SYT3: variants seen among roughly 807,000 people sequenced by gnomAD.
SYT3 encodes synaptotagmin 3.
A neutral mutation model predicts 50.6 loss-of-function variants in SYT3; 25 were observed. The ratio of observed to expected loss-of-function variants is 0.49; its 90% CI spans 0.36 to 0.69. SYT3 has a LOEUF of 0.69. Among genes scored for constraint, SYT3 ranks in the 30% least tolerant of loss-of-function variants. The pLI is 0.00. For missense variants in SYT3, 589 were observed against 793.6 expected (o/e 0.74, Z 3.10); for synonymous variants, 323 against 353.9 (o/e 0.91, Z 0.98).
the SYT3 span, chr19:50,649,719 C>T: frequency 1.5e-6 from 1 of 682,804 alleles, no homozygotes; most frequent in Admixed American, 2.0e-5. Context: ...GTTCCTTGGC[C>T]AATGCCCTGG....
At chr19:50,655,647 T>TTA in the SYT3 span, among the ~76,000 whole-genome samples, 2 of 139,916 alleles carry the variant, frequency 1.4e-5, no homozygotes, top group African/African-American at 5.7e-5. Flanking sequence ...AGACTCTGTC[T>TTA]CAAAAAAAAA....
chr19:50,623,670 C>T (rs1458678895), intron 9 of SYT3, among the ~76,000 whole-genome samples: 1 of 142,406 alleles, frequency 7.0e-6, no homozygotes, highest in East Asian at 2.2e-4. Context: ...GGTGAGGTGG[C>T]ACACGCCTGT....
At chr19:50,642,828 C>T (rs1296909382), upstream of SYT3, among the ~76,000 whole-genome samples, 2 of 151,984 alleles carry the variant, frequency 1.3e-5, no homozygotes, top group African/African-American at 4.8e-5. Flanking sequence ...GAGTGAAACT[C>T]TGTCTCAAAA....
chr19:50,653,024 T>G, the SYT3 span, among the ~76,000 whole-genome samples: 2 of 152,118 alleles, frequency 1.3e-5, no homozygotes, highest in Non-Finnish European at 2.9e-5. Flanking sequence ...CAATGGAAAG[T>G]ATTTTATTCT....
chr19:50,638,428 T>G (rs1599821694), intron 2 of SYT3, among the ~76,000 whole-genome samples: 1 of 144,252 alleles, frequency 6.9e-6, no homozygotes, highest in African/African-American at 2.6e-5. Context: ...GGTGGAGAGG[T>G]GGAGATGCAG....
rs1983993490 is a variant in SYT3 at position 50,625,077 on chromosome 19, G to C, written c.1707+85C>G. 3 of 1,344,672 alleles carry C rather than the reference G, an allele frequency of 2.2e-6. No individual in the cohort carries two copies. The highest frequency in any genetic ancestry group is 2.9e-6 in the Non-Finnish European group (3 of 1,036,310). The allele number at this position is 1,344,672 out of a possible 1,614,324, so 83.3% of individuals were successfully genotyped here. ...TAGGACGCCTGGCTCTGCGACTCAC[G>C]AACATGCAGGGCGTTCGTTGCATGG... On this transcript the variant is annotated intron_variant, in intron 9 of 10. Transcript: ENST00000600079. The surrounding 1 kb of genome is among the most constrained non-coding windows in gnomAD (Gnocchi z 7.5).
chr19:50,648,028 G>C, the SYT3 span, among the ~76,000 whole-genome samples: 30,509 of 152,064 alleles, frequency 0.2, 4,821 homozygotes, highest in African/African-American at 0.43. Flanking sequence ...ATAAAAGGAA[G>C]TTTATTGATT....
At position 50,625,610 on chromosome 19, in the gene SYT3, C is replaced by T. The variant is rs1427081249; in HGVS notation, c.1403-46G>A. The T allele has an allele frequency of 1.3e-6, 2 of 1,522,192 alleles. No homozygotes were observed. The highest frequency in any genetic ancestry group is 1.4e-5 in the African/African-American group (1 of 71,854). The allele number at this position is 1,522,192 out of a possible 1,614,324, so 94.3% of individuals were successfully genotyped here. A position where few individuals can be genotyped will look rare whatever the true frequency, so the allele number is the denominator to read the frequency against. On this transcript the variant is annotated intron_variant, in intron 7 of 10. Transcript: ENST00000600079. This position sits in a 1 kb window ranked among gnomAD's most constrained non-coding sequence, Gnocchi z 7.5. ...AGGAACAGAGACTCACTCCCTCAGA[C>T]CTAGGGGTCCAGGACCCCAGGCCCC...
At chr19:50,648,861 G>C in the SYT3 span, among the ~76,000 whole-genome samples, 1 of 151,784 alleles carries the variant, frequency 6.6e-6, no homozygotes, top group Non-Finnish European at 1.5e-5. Context: ...AGAGGGGAGG[G>C]GGCCTCAAGG....
At position 50,629,308 on chromosome 19, in the gene SYT3, C is replaced by T. The variant is rs796357681; in HGVS notation, c.1267G>A (p.Val423Met). The change falls in exon 6 of 11, where the codon GTG becomes ATG. Residue 423 changes from valine (V) to methionine (M), a missense_variant. Transcript: ENST00000600079. The part of the protein sequence containing the change: ...PPDRPLWRDI[V>M]EGGSEKADLG... The stretch of plus-strand genomic sequence containing the variant: ...GGGCCACTGACCGAGCCGCCCTCCA[C>T]GATGTCCCTCCAGAGCGGGCGGTCA... 19 of 1,604,930 alleles carry T rather than the reference C, an allele frequency of 1.2e-5. No homozygotes were observed. Among genetic ancestry groups the T allele is most frequent in the Middle Eastern group, 1.7e-4 (1 of 5,884 alleles).
the SYT3 span, among the ~76,000 whole-genome samples, chr19:50,655,119 A>G: frequency 6.6e-6 from 1 of 152,214 alleles, no homozygotes; most frequent in Non-Finnish European, 1.5e-5. Context: ...GCATGGTCAC[A>G]TGGCCACACT....
chr19:50,639,812 TGCC>T lies in SYT3; in HGVS notation c.-179_-177del, dbSNP rs968917236. 18 of 62,142 alleles carry T rather than the reference TGCC, an allele frequency of 2.9e-4. No individual in the cohort carries two copies. The highest frequency in any genetic ancestry group is 1.2e-3 in the East Asian group (5 of 4,202). The allele number at this position is 62,142 out of a possible 1,614,324, so 3.8% of individuals were successfully genotyped here. ...CACCCGGAGCCGCCGCTGCCGCCGC[TGCC>T]GCCGCCGCCGCCGCCGCAGCCCCGC... is the stretch of plus-strand genomic sequence containing the variant. On this transcript the variant is annotated 5_prime_UTR_variant, in exon 1 of 11. Coordinates refer to ENST00000600079, the MANE Select transcript of SYT3 (RefSeq NM_001160329.2). The surrounding 1 kb of genome is among the most constrained non-coding windows in gnomAD (Gnocchi z 4.6).
Position 50,625,769 on chromosome 19 carries a change from CAGA to C in SYT3, c.1402+125_1402+127del. ...TCCAGGCCCCTGGCCCCTCCTCCCTCAGACCCAGGAGTCCAGATCCCCAGCTCC... is the reference window on the plus strand; with the variant it reads ...TCCAGGCCCCTGGCCCCTCCTCCCTCCCCAGGAGTCCAGATCCCCAGCTCC... On this transcript the variant is annotated intron_variant, in intron 7 of 10. Coordinates refer to ENST00000600079, the MANE Select transcript of SYT3 (RefSeq NM_001160329.2). This position sits in a 1 kb window ranked among gnomAD's most constrained non-coding sequence, Gnocchi z 7.5. 222 of 716,572 alleles carry C rather than the reference CAGA, an allele frequency of 3.1e-4. 25 individuals are homozygous for C. Among genetic ancestry groups the C allele is most frequent in the Middle Eastern group, 8.3e-4 (2 of 2,402 alleles). The allele number at this position is 716,572 out of a possible 1,614,324, so 44.4% of individuals were successfully genotyped here.
the SYT3 span, among the ~76,000 whole-genome samples, chr19:50,653,398 A>T: frequency 6.6e-6 from 1 of 152,032 alleles, no homozygotes; most frequent in Non-Finnish European, 1.5e-5. Context: ...GCACATAGTT[A>T]TATTGTTAAG....
In SYT3 at chr19:50,625,786, AT is replaced by A. The variant is rs202030881; in HGVS notation, c.1402+110del. 4 of 158,630 alleles carry A rather than the reference AT, an allele frequency of 2.5e-5. 2 individuals are homozygous for A. Among genetic ancestry groups the A allele is most frequent in the Non-Finnish European group, 2.7e-5 (2 of 74,226 alleles). 9.8% of individuals were successfully genotyped at this position (158,630 alleles called of 1,614,324 possible). ...TCCTCCCTCAGACCCAGGAGTCCAG[AT>A]CCCCAGCTCCTCCTCCCTCAGACCC... On this transcript the variant is annotated intron_variant, in intron 7 of 10. Transcript: ENST00000600079. This position sits in a 1 kb window ranked among gnomAD's most constrained non-coding sequence, Gnocchi z 7.5.
chr19:50,624,573 G>A (rs927516988), intron 9 of SYT3, among the ~76,000 whole-genome samples: 114 of 122,258 alleles, frequency 9.3e-4, no homozygotes, highest in African/African-American at 3.6e-3. Context: ...TTTTTTTTGA[G>A]ACAGAGTCTT....
At chr19:50,644,011 T>C (rs1416388540), upstream of SYT3, among the ~76,000 whole-genome samples, 2 of 152,128 alleles carry the variant, frequency 1.3e-5, no homozygotes, top group Admixed American at 6.5e-5. Context: ...ACAGCTCATG[T>C]AAGACCTGGG....
Position 50,625,634 on chromosome 19 carries a change from C to T in SYT3, c.1403-70G>A. On this transcript the variant is annotated intron_variant, in intron 7 of 10. Transcript: ENST00000600079. This position sits in a 1 kb window ranked among gnomAD's most constrained non-coding sequence, Gnocchi z 7.5. Reference sequence around the variant, plus strand: ...ACCTAGGGGTCCAGGACCCCAGGCCCCGAGCCCCTCCTCCCTCAGACCCAG... The same window carrying T: ...ACCTAGGGGTCCAGGACCCCAGGCCTCGAGCCCCTCCTCCCTCAGACCCAG... 1.3e-6 allele frequency: 2 copies of T among 1,485,738 alleles called. No homozygotes were observed. Among genetic ancestry groups the T allele is most frequent in the Non-Finnish European group, 1.8e-6 (2 of 1,119,116 alleles). The allele number at this position is 1,485,738 out of a possible 1,614,324, so 92.0% of individuals were successfully genotyped here.
chr19:50,643,842 G>A (rs1428908594), upstream of SYT3, among the ~76,000 whole-genome samples: 1 of 152,116 alleles, frequency 6.6e-6, no homozygotes, highest in Non-Finnish European at 1.5e-5. Flanking sequence ...CTCATACTAG[G>A]ATCAATGCTA....
Sources: gnomAD v4.1 joint callset for allele counts (sites outside exome capture counted in the v4.1 genomes callset) on GRCh38, gnomAD v4.1.1 for gene constraint, Gnocchi (gnomAD v3.1) non-coding constraint, MANE v1.5 for transcripts, NCBI Gene and HGNC (gene_info 2026-07-23, HGNC 2026-07-21) for gene names.